Variants in ACAD11 observed in about 807,000 individuals in gnomAD.
The protein encoded by ACAD11 is acyl-Coenzyme A dehydrogenase family, member 11.
Under a neutral mutation model 102.2 loss-of-function variants are expected in ACAD11, and 83 were observed. That is an observed-to-expected ratio of 0.81 (90% CI 0.68 to 0.97). The LOEUF (loss-of-function observed/expected upper bound fraction) is 0.97, where lower values mean the gene tolerates loss of function less well. ACAD11 is among the 50% of genes least tolerant of loss of function. The probability of loss-of-function intolerance (pLI) is 0.00; values close to 1 mark genes in which losing one functional copy is unlikely to be tolerated. For synonymous variants in ACAD11, 324 were observed against 319.8 expected (o/e 1.01, Z -0.14); for missense variants, 901 against 951.7 (o/e 0.95, Z 0.70).
chr3:132,591,931 T>C (rs1004909227), intron 13 of ACAD11, among the ~76,000 whole-genome samples: 35 of 152,226 alleles, frequency 2.3e-4, no homozygotes, highest in African/African-American at 8.2e-4. Context: ...CACAGCCTTA[T>C]ATAAATGCCC....
At chr3:132,568,359 CAGATG>C (rs1248318478) in intron 17 of ACAD11, among the ~76,000 whole-genome samples, 9 of 152,100 alleles carry the variant, frequency 5.9e-5, no homozygotes, top group Non-Finnish European at 1.2e-4. Context: ...AAACTACACA[CAGATG>C]AGATGATGTG....
intron 4 of ACAD11, among the ~76,000 whole-genome samples, chr3:132,641,521 G>A (rs1255016921): frequency 6.6e-6 from 1 of 151,024 alleles, no homozygotes; most frequent in African/African-American, 2.4e-5. Context: ...TCCAGCCTGG[G>A]CAACAGAGGG....
intron 4 of ACAD11, among the ~76,000 whole-genome samples, chr3:132,641,732 A>AAG (rs1553766345): frequency 5.7e-5 from 8 of 141,480 alleles, no homozygotes; most frequent in South Asian, 2.3e-4. Flanking sequence ...AGAAGAAGAA[A>AAG]AAACTGTATA....
chr3:132,648,459 T>G (rs778577720), intron 1 of ACAD11: 9 of 152,036 alleles, frequency 5.9e-5, no homozygotes, highest in Non-Finnish European at 7.4e-5. Context: ...CTCAGACTCA[T>G]GGCATCATCC....
chr3:132,599,777 T>C lies in ACAD11; in HGVS notation c.1621+3452A>G, dbSNP rs150265991. Among the ~76,000 whole-genome samples the C allele has an allele frequency of 6.0e-4, 91 of 152,190 alleles. 1 individual carries two copies. Among genetic ancestry groups the C allele is most frequent in the African/African-American group, 1.6e-3 (67 of 41,564 alleles). ...TAAAAAACAGTATACAATAAGCAAG[T>C]AGTGACCAGTTTTGGAGGGAAGTTG... On this transcript the variant is annotated intron_variant, in intron 13 of 19. Transcript: ENST00000264990.
At chr3:132,569,061 A>C (rs1194190321) in intron 17 of ACAD11, among the ~76,000 whole-genome samples, 1 of 152,158 alleles carries the variant, frequency 6.6e-6, no homozygotes, top group Non-Finnish European at 1.5e-5. Flanking sequence ...GAGGATGAAA[A>C]GACAAGATAC....
intron 13 of ACAD11, among the ~76,000 whole-genome samples, chr3:132,597,018 G>C (rs551587470): frequency 6.6e-6 from 1 of 152,154 alleles, no homozygotes; most frequent in Non-Finnish European, 1.5e-5. Context: ...TCAGCAGTCA[G>C]TAGCTCAGCT....
Position 132,578,723 on chromosome 3 carries a change from A to G in ACAD11, c.1774+73T>C, listed in dbSNP as rs974652311. The G allele has an allele frequency of 5.5e-5, 82 of 1,495,578 alleles. No individual in the cohort carries two copies. In the Admixed American group the frequency reaches 1.4e-3, roughly 25 times the overall value. 92.6% of individuals were successfully genotyped at this position (1,495,578 alleles called of 1,614,324 possible). The stretch of plus-strand genomic sequence containing the variant: ...AATCTATCTTATGCATTAAAATGCT[A>G]TTGCCTTCAATGTTACTGCATATTC... On this transcript the variant is annotated intron_variant, in intron 15 of 19. Coordinates refer to ENST00000264990, the MANE Select transcript of ACAD11 (RefSeq NM_032169.5).
chr3:132,618,339 A>G (rs1939489170), intron 11 of ACAD11: 2 of 333,734 alleles, frequency 6.0e-6, no homozygotes, highest in Non-Finnish European at 1.1e-5. Flanking sequence ...CCAACTAGTA[A>G]TAGAAATATC....
chr3:132,623,971 G>T (rs1411451637), intron 9 of ACAD11, among the ~76,000 whole-genome samples: 1 of 151,970 alleles, frequency 6.6e-6, no homozygotes, highest in Non-Finnish European at 1.5e-5. Context: ...GACAACCTGG[G>T]ATTTCTGCCC....
intron 13 of ACAD11, among the ~76,000 whole-genome samples, chr3:132,584,404 C>T (rs1469531823): frequency 1.3e-5 from 2 of 151,752 alleles, no homozygotes; most frequent in Admixed American, 6.6e-5. Flanking sequence ...TTGTTTTCCA[C>T]TTGCTTGGTA....
intron 13 of ACAD11, among the ~76,000 whole-genome samples, chr3:132,592,471 G>T (rs908313688): frequency 6.6e-6 from 1 of 152,124 alleles, no homozygotes; most frequent in Admixed American, 6.6e-5. Context: ...CCAGGATTAA[G>T]TCAGGCTAAA....
intron 10 of ACAD11, 116 bp downstream of exon 10, chr3:132,619,352 G>A (rs1390682470): frequency 1.0e-5 from 6 of 597,318 alleles, no homozygotes; most frequent in Admixed American, 3.4e-5. Flanking sequence ...TTTTTTTAAA[G>A]GTTATTATTG....
At chr3:132,580,630 A>C (rs1203172176) in intron 13 of ACAD11, among the ~76,000 whole-genome samples, 1 of 152,052 alleles carries the variant, frequency 6.6e-6, no homozygotes, top group Non-Finnish European at 1.5e-5. Context: ...CATGATATTA[A>C]GTAATTTTAG....
chr3:132,611,464 T>C (rs1010724782), intron 11 of ACAD11, among the ~76,000 whole-genome samples: 10 of 152,080 alleles, frequency 6.6e-5, no homozygotes, highest in African/African-American at 1.9e-4. Context: ...TGAGTATATA[T>C]CTAGAAAACC....
chr3:132,578,410 T>C (rs1377331964), intron 15 of ACAD11: 1 of 152,202 alleles, frequency 6.6e-6, no homozygotes, highest in Non-Finnish European at 1.5e-5. Flanking sequence ...ACAGTTCTTG[T>C]AAGTTGATTG....
At position 132,644,889 on chromosome 3, in the gene ACAD11, TTCCTGC is replaced by T; in HGVS notation, c.151_156del (p.Ala51_Gly52del). 1 of 1,601,018 alleles carries T rather than the reference TTCCTGC, an allele frequency of 6.2e-7. No homozygotes were observed. ...TGGAGATAAAAGGTTGGATTGGACT[TTCCTGC>T]TCTAGATAAAAGTAAAAAAAAAAAA... On this transcript the variant is annotated inframe_deletion and splice_region_variant, in exon 2 of 20. Coordinates refer to ENST00000264990, the MANE Select transcript of ACAD11 (RefSeq NM_032169.5).
chr3:132,639,430 T>A, intron 5 of ACAD11, 62 bp downstream of exon 5: 1 of 1,500,784 alleles, frequency 6.7e-7, no homozygotes, highest in Non-Finnish European at 9.0e-7. Context: ...GGGGGAGCAT[T>A]TACTTAGTAC....
At chr3:132,616,797 G>A (rs889512234) in intron 11 of ACAD11, among the ~76,000 whole-genome samples, 1 of 152,156 alleles carries the variant, frequency 6.6e-6, no homozygotes, top group Non-Finnish European at 1.5e-5. Flanking sequence ...TAGAAGCTCT[G>A]TGAATAGACT....
Sources: gnomAD v4.1 joint callset for allele counts (sites outside exome capture counted in the v4.1 genomes callset) on GRCh38, gnomAD v4.1.1 for gene constraint, MANE v1.5 for transcripts, NCBI Gene and HGNC (gene_info 2026-07-23, HGNC 2026-07-21) for gene names.